The following KCNH1 variants were observed in gnomAD, a reference collection of about 807,000 sequenced individuals.
KCNH1 encodes the protein voltage-gated delayed rectifier potassium channel KCNH1.
KCNH1 carries 27 observed loss-of-function variants against 69.2 expected under a neutral mutation model. The ratio of observed to expected loss-of-function variants is 0.39; its 90% CI spans 0.29 to 0.54. KCNH1 has a LOEUF of 0.54. Among genes scored for constraint, KCNH1 ranks in the 20% least tolerant of loss-of-function variants. The pLI is 0.68. For synonymous variants in KCNH1, 456 were observed against 487.7 expected (o/e 0.93, Z 0.86); for missense variants, 798 against 1,261.6 (o/e 0.63, Z 5.57).
chr1:210,762,368 T>C (rs767611489), intron 10 of KCNH1, among the ~76,000 whole-genome samples: 1 of 151,656 alleles, frequency 6.6e-6, no homozygotes, highest in African/African-American at 2.4e-5. Flanking sequence ...AGAAAAGAAA[T>C]AGCAAAAATC....
chr1:211,060,400 C>CAA (rs60620622), intron 5 of KCNH1, among the ~76,000 whole-genome samples: 1,278 of 44,374 alleles, frequency 0.029, 225 homozygotes, highest in Middle Eastern at 0.083. Flanking sequence ...GACTCCGTCT[C>CAA]AAAAAAAAAA....
chr1:210,849,825 A>G (rs890036897), intron 7 of KCNH1, among the ~76,000 whole-genome samples: 10 of 152,290 alleles, frequency 6.6e-5, no homozygotes, highest in Admixed American at 1.3e-4. Context: ...GATGACCAAT[A>G]AATCCCTTCC....
intron 10 of KCNH1, among the ~76,000 whole-genome samples, chr1:210,764,089 T>C (rs1332018506): frequency 3.3e-5 from 5 of 152,072 alleles, no homozygotes; most frequent in Non-Finnish European, 5.9e-5. Flanking sequence ...AACTGGTCTT[T>C]GACAAAGCCA....
intron 10 of KCNH1, among the ~76,000 whole-genome samples, chr1:210,718,035 A>G (rs1682305695): frequency 6.6e-6 from 1 of 151,888 alleles, no homozygotes; most frequent in South Asian, 2.1e-4. Flanking sequence ...TGAACCCAGG[A>G]GGTGGCGGTT....
chr1:211,073,812 GC>G (rs1477568184), intron 5 of KCNH1, among the ~76,000 whole-genome samples: 1 of 151,550 alleles, frequency 6.6e-6, no homozygotes, highest in Non-Finnish European at 1.5e-5. Flanking sequence ...AAAAATTAAA[GC>G]AAATTAAATC....
chr1:210,705,824 G>A (rs1467243648), intron 10 of KCNH1, among the ~76,000 whole-genome samples: 1 of 152,038 alleles, frequency 6.6e-6, no homozygotes, highest in East Asian at 1.9e-4. Flanking sequence ...TATGCTGTGT[G>A]TCTCCCCAGT....
At chr1:210,858,134 T>A (rs750036774) in intron 7 of KCNH1, 12 of 152,340 alleles carry the variant, frequency 7.9e-5, no homozygotes, top group Non-Finnish European at 1.0e-4. Context: ...ATAGCTGAAT[T>A]AAGTTCTTTT....
Position 210,997,356 on chromosome 1 carries a change from G to A in KCNH1, c.1032+21427C>T, listed in dbSNP as rs868431961. Among the ~76,000 whole-genome samples, 124 of 152,288 alleles carry A rather than the reference G, an allele frequency of 8.1e-4. No individual in the cohort carries two copies. The Middle Eastern group carries it at 0.017, about 21-fold the overall frequency. On this transcript the variant is annotated intron_variant, in intron 6 of 10. Coordinates refer to ENST00000271751, the MANE Select transcript of KCNH1 (RefSeq NM_172362.3). ...CTGAAAGCCAAGGCTCCAGAACTAC[G>A]TGAAGAATGCAGAAGCCTCAGGAGC...
chr1:210,839,441 G>A (rs558147709), intron 7 of KCNH1, among the ~76,000 whole-genome samples: 1 of 152,074 alleles, frequency 6.6e-6, no homozygotes, highest in Non-Finnish European at 1.5e-5. Context: ...TGAGGGGTGG[G>A]AAGAGGGAGA....
At chr1:210,948,570 C>T (rs1251988949) in intron 6 of KCNH1, among the ~76,000 whole-genome samples, 1 of 152,102 alleles carries the variant, frequency 6.6e-6, no homozygotes, top group Non-Finnish European at 1.5e-5. Context: ...TGGCTCACAC[C>T]TGTAATCCCA....
At chr1:211,121,236 A>G (rs1384705072) in intron 1 of KCNH1, among the ~76,000 whole-genome samples, 1 of 152,220 alleles carries the variant, frequency 6.6e-6, no homozygotes, top group Non-Finnish European at 1.5e-5. Context: ...ATCCTAAGCA[A>G]AAAGAACAAA....
chr1:210,752,303 G>C (rs1384949513), intron 10 of KCNH1, among the ~76,000 whole-genome samples: 2 of 152,168 alleles, frequency 1.3e-5, no homozygotes, highest in Admixed American at 6.5e-5. Flanking sequence ...AACTCCTTGG[G>C]TATCACTTAC....
chr1:211,011,121 C>T (rs1043786398), intron 6 of KCNH1, among the ~76,000 whole-genome samples: 30 of 152,142 alleles, frequency 2.0e-4, no homozygotes, highest in African/African-American at 7.0e-4. Flanking sequence ...TAATGCTATC[C>T]CTCCCCTACC....
chr1:210,922,965 A>T (rs1687497080), intron 6 of KCNH1, among the ~76,000 whole-genome samples: 1 of 152,256 alleles, frequency 6.6e-6, no homozygotes, highest in South Asian at 2.1e-4. Context: ...TGCCCAGGGC[A>T]AAACTGCCTT....
chr1:210,822,466 C>G (rs751467164), intron 7 of KCNH1, among the ~76,000 whole-genome samples: 13 of 152,058 alleles, frequency 8.5e-5, no homozygotes, highest in Non-Finnish European at 1.6e-4. Flanking sequence ...AGAATTTATA[C>G]CGACTCAATT....
intron 6 of KCNH1, among the ~76,000 whole-genome samples, chr1:210,968,552 T>C (rs1456465961): frequency 1.3e-5 from 2 of 150,064 alleles, no homozygotes; most frequent in African/African-American, 4.9e-5. Flanking sequence ...TTTTTAATGA[T>C]TGCCATTCTA....
intron 6 of KCNH1, among the ~76,000 whole-genome samples, chr1:210,964,750 A>G (rs1558544298): frequency 6.6e-6 from 1 of 152,214 alleles, no homozygotes; most frequent in Non-Finnish European, 1.5e-5. Context: ...AACTCATTTT[A>G]TGAGGCCAGC....
chr1:210,985,556 G>C (rs1267463500), intron 6 of KCNH1, among the ~76,000 whole-genome samples: 1 of 152,196 alleles, frequency 6.6e-6, no homozygotes, highest in African/African-American at 2.4e-5. Context: ...TAGTCATTCA[G>C]GAGTAGGTTG....
At chr1:210,975,377 C>T (rs1262749321) in intron 6 of KCNH1, among the ~76,000 whole-genome samples, 1 of 152,212 alleles carries the variant, frequency 6.6e-6, no homozygotes, top group African/African-American at 2.4e-5. Context: ...ACCAAAACAG[C>T]ATGGTACTGG....
Sources: gnomAD v4.1 joint callset for allele counts (sites outside exome capture counted in the v4.1 genomes callset) on GRCh38, gnomAD v4.1.1 for gene constraint, MANE v1.5 for transcripts, NCBI Gene and HGNC (gene_info 2026-07-23, HGNC 2026-07-21) for gene names.